ENOX1: variants seen among roughly 807,000 people sequenced by gnomAD.
ENOX1 encodes candidate growth-related and time keeping constitutive hydroquinone (NADH) oxidase.
A neutral mutation model predicts 82.5 loss-of-function variants in ENOX1; 42 were observed. That is an observed-to-expected ratio of 0.51 (90% CI 0.40 to 0.66). The LOEUF is 0.66. Ranked by LOEUF, ENOX1 falls within the 30% of genes least tolerant of loss-of-function variation. ENOX1 has a pLI of 0.00. For missense variants in ENOX1, 608 were observed against 811.6 expected (o/e 0.75, Z 3.05); for synonymous variants, 271 against 282.2 (o/e 0.96, Z 0.40).
At chr13:43,670,356 C>CT (rs757154429) in intron 1 of ENOX1, among the ~76,000 whole-genome samples, 152 of 152,272 alleles carry the variant, frequency 1.0e-3, no homozygotes, top group Non-Finnish European at 1.8e-3. Flanking sequence ...GTATTTCACT[C>CT]TTTATTTTCA....
intron 3 of ENOX1, among the ~76,000 whole-genome samples, chr13:43,444,168 C>T (rs1024265147): frequency 1.3e-5 from 2 of 152,132 alleles, no homozygotes; most frequent in Non-Finnish European, 2.9e-5. Context: ...AATAGCACCC[C>T]TTTTCAGTCT....
At chr13:43,489,472 A>G (rs767488783) in intron 2 of ENOX1, among the ~76,000 whole-genome samples, 4 of 152,118 alleles carry the variant, frequency 2.6e-5, no homozygotes, top group Non-Finnish European at 5.9e-5. Flanking sequence ...CAGCCTTGGG[A>G]CCTAGGCATG....
At chr13:43,260,815 A>G (rs2044012668) in intron 14 of ENOX1, among the ~76,000 whole-genome samples, 1 of 152,210 alleles carries the variant, frequency 6.6e-6, no homozygotes, top group Non-Finnish European at 1.5e-5. Context: ...GCTTTCCAGG[A>G]AAGAAAATTG....
chr13:43,512,710 C>T (rs144595580), intron 2 of ENOX1, among the ~76,000 whole-genome samples: 88 of 151,208 alleles, frequency 5.8e-4, no homozygotes, highest in African/African-American at 2.0e-3. Context: ...TGACCTGCTG[C>T]CTATCACTTG....
intron 12 of ENOX1, among the ~76,000 whole-genome samples, chr13:43,288,419 T>C (rs74064152): frequency 5.9e-5 from 9 of 152,336 alleles, no homozygotes; most frequent in Admixed American, 2.6e-4. Context: ...ACATGGGGTA[T>C]GTCTTTGCAG....
intron 6 of ENOX1, among the ~76,000 whole-genome samples, chr13:43,360,711 C>A (rs199818941): frequency 1.3e-3 from 185 of 140,686 alleles, no homozygotes; most frequent in Middle Eastern, 3.7e-3. Flanking sequence ...ATATGAATGA[C>A]AAAAAAAAAA....
intron 2 of ENOX1, among the ~76,000 whole-genome samples, chr13:43,510,467 TAA>T (rs1352863081): frequency 1.3e-5 from 2 of 152,114 alleles, no homozygotes; most frequent in Non-Finnish European, 2.9e-5. Flanking sequence ...AAATTTACTG[TAA>T]AGAGCAAAGG....
At position 43,726,718 on chromosome 13, in the gene ENOX1, T is replaced by TTGTGTG. The variant is rs55918525; in HGVS notation, c.-284-59180_-284-59175dup. Among the ~76,000 whole-genome samples the TTGTGTG allele has an allele frequency of 8.5e-3, 1,228 of 144,772 alleles. 9 individuals carry two copies. The highest frequency in any genetic ancestry group is 0.019 in the South Asian group (81 of 4,366). 95.0% of individuals were successfully genotyped at this position (144,772 alleles called of 152,430 possible). On this transcript the variant is annotated intron_variant, in intron 1 of 16. Coordinates refer to ENST00000690772, the MANE Select transcript of ENOX1 (RefSeq NM_001347969.2). Reference sequence around the variant, plus strand: ...GGAAACTGAAGAAACGCATTGACTTTTGTGTGTGTGTGTGTGTGTGTGTGT... The same window carrying TTGTGTG: ...GGAAACTGAAGAAACGCATTGACTTTTGTGTGTGTGTGTGTGTGTGTGTGTGTGTGT...
intron 1 of ENOX1, among the ~76,000 whole-genome samples, chr13:43,703,002 G>A (rs981732202): frequency 1.4e-4 from 18 of 126,504 alleles, no homozygotes; most frequent in Non-Finnish European, 2.2e-4. Flanking sequence ...AAGCCCTTTT[G>A]CCCCTTCTGT....
intron 3 of ENOX1, among the ~76,000 whole-genome samples, chr13:43,431,968 T>G (rs1031877804): frequency 2.6e-5 from 4 of 152,168 alleles, no homozygotes; most frequent in African/African-American, 4.8e-5. Flanking sequence ...GAGCCAAGTA[T>G]AGGCCTTATA....
intron 2 of ENOX1, among the ~76,000 whole-genome samples, chr13:43,493,579 G>C (rs557751996): frequency 2.6e-5 from 4 of 152,184 alleles, no homozygotes; most frequent in Non-Finnish European, 5.9e-5. Context: ...AACCCCAGCT[G>C]ATTGGATAGT....
rs569660750 is a variant in ENOX1, at chr13:43,673,177, A to G, written c.-284-5633T>C. Among the ~76,000 whole-genome samples the G allele has an allele frequency of 3.0e-3, 412 of 135,230 alleles. 1 individual carries two copies. The highest frequency in any genetic ancestry group is 0.011 in the African/African-American group (318 of 28,506). 88.7% of individuals were successfully genotyped at this position (135,230 alleles called of 152,430 possible). On this transcript the variant is annotated intron_variant, in intron 1 of 16. Coordinates refer to ENST00000690772, the MANE Select transcript of ENOX1 (RefSeq NM_001347969.2). ...CCATAAAATTTGTTTGCATGTGTGT[A>G]TATATATATATATATACATGTTCGA... is the stretch of plus-strand genomic sequence containing the variant.
chr13:43,750,409 C>A (rs1180916658), intron 1 of ENOX1, among the ~76,000 whole-genome samples: 3 of 152,130 alleles, frequency 2.0e-5, no homozygotes, highest in Admixed American at 1.3e-4. Flanking sequence ...AACAACAGAG[C>A]ACACAGCAGG....
chr13:43,278,646 C>T (rs1257037797), intron 12 of ENOX1, among the ~76,000 whole-genome samples: 2 of 152,126 alleles, frequency 1.3e-5, no homozygotes, highest in Non-Finnish European at 1.5e-5. Context: ...GAAAATGTTA[C>T]ATCAGAGACA....
chr13:43,758,372 A>G (rs1181025570), intron 1 of ENOX1, among the ~76,000 whole-genome samples: 1 of 152,232 alleles, frequency 6.6e-6, no homozygotes, highest in African/African-American at 2.4e-5. Flanking sequence ...GGAAAAAAAA[A>G]GACAATCTCG....
intron 12 of ENOX1, among the ~76,000 whole-genome samples, chr13:43,274,585 T>C (rs9533439): frequency 0.16 from 24,800 of 152,250 alleles, 2,339 homozygotes; most frequent in Non-Finnish European, 0.22. Flanking sequence ...TAGAAGTTCA[T>C]AAGCAGCTAG....
At position 43,213,807 on chromosome 13, in the gene ENOX1, A is replaced by T; in HGVS notation, c.*183T>A. The T allele has an allele frequency of 2.0e-6, 1 of 502,438 alleles. No individual in the cohort carries two copies. The highest frequency in any genetic ancestry group is 3.3e-6 in the Non-Finnish European group (1 of 300,044). 31.1% of individuals were successfully genotyped at this position (502,438 alleles called of 1,614,324 possible). A position where few individuals can be genotyped will look rare whatever the true frequency, so the allele number is the denominator to read the frequency against. Reference sequence around the variant, plus strand: ...CACAGTATGAAGCTTTGTTTATTTTAAGAAACTGGTACACAATTACATTTC... The same window carrying T: ...CACAGTATGAAGCTTTGTTTATTTTTAGAAACTGGTACACAATTACATTTC... On this transcript the variant is annotated 3_prime_UTR_variant, in exon 17 of 17. Coordinates refer to ENST00000690772, the MANE Select transcript of ENOX1 (RefSeq NM_001347969.2).
chr13:43,499,094 T>C (rs2076890723), intron 2 of ENOX1, among the ~76,000 whole-genome samples: 1 of 152,104 alleles, frequency 6.6e-6, no homozygotes, highest in Non-Finnish European at 1.5e-5. Context: ...CTAACTGTGA[T>C]AACATATTAG....
At chr13:43,300,362 A>G (rs1328866351) in intron 11 of ENOX1, among the ~76,000 whole-genome samples, 1 of 152,182 alleles carries the variant, frequency 6.6e-6, no homozygotes, top group Non-Finnish European at 1.5e-5. Flanking sequence ...ATGTTGGTTG[A>G]ATGAATAAAT....
Sources: allele counts gnomAD v4.1 joint callset (sites outside exome capture counted in the v4.1 genomes callset), GRCh38; gene constraint gnomAD v4.1.1; transcripts MANE v1.5; gene names NCBI Gene and HGNC (gene_info 2026-07-23, HGNC 2026-07-21).